Variants in C1orf21 observed in about 807,000 individuals in gnomAD.
The protein encoded by C1orf21 is chromosome 1 open reading frame 21.
A neutral mutation model predicts 18.7 loss-of-function variants in C1orf21; 3 were observed. That is an observed-to-expected ratio of 0.16 (90% CI 0.07 to 0.42). The LOEUF (loss-of-function observed/expected upper bound fraction) is 0.42. Ranked by LOEUF, C1orf21 falls within the 10% of genes least tolerant of loss-of-function variation. C1orf21 has a pLI of 0.99. For synonymous variants in C1orf21, 41 were observed against 46.4 expected, an observed-to-expected ratio of 0.88 and a Z score of 0.47; for missense variants, 104 against 143.6, an observed-to-expected ratio of 0.72 and a Z score of 1.41.
rs1656466382 is a variant in C1orf21 at position 184,417,177 on chromosome 1, C to T, written c.-125+29809C>T. 2.0e-5 allele frequency among the ~76,000 whole-genome samples: 3 copies of T among 152,116 alleles called. No homozygotes were observed. In the South Asian group the frequency reaches 6.2e-4, roughly 32 times the overall value. ...ACTAAGAGGGAAGGGTGACTGTAGG[C>T]AAGGCAGGACATGCTGCAGACTCAG... is the stretch of plus-strand genomic sequence containing the variant. On this transcript the variant is annotated intron_variant, in intron 1 of 5. Transcript: ENST00000235307.
At chr1:184,541,806 C>T (rs1658655892) in intron 3 of C1orf21, among the ~76,000 whole-genome samples, 1 of 152,152 alleles carries the variant, frequency 6.6e-6, no homozygotes, top group African/African-American at 2.4e-5. Flanking sequence ...ATTTAATAAT[C>T]TGGAAACCAG....
chr1:184,507,617 G>T lies in C1orf21; in HGVS notation c.124G>T (p.Val42Phe). The change falls in exon 3 of 6, where the codon GTC becomes TTC. Residue 42 changes from valine (V) to phenylalanine (F), a missense_variant. Physicochemically the swap from Val to Phe is conservative, Grantham distance 50. Transcript: ENST00000235307. Reference sequence around the variant, plus strand: ...GTATAGGATCAAACCAGTGGAAGAGGTCAAATACATGAAAAATGGGGCAGA... The same window carrying T: ...GTATAGGATCAAACCAGTGGAAGAGTTCAAATACATGAAAAATGGGGCAGA... The part of the protein sequence containing the change: ...DEYRIKPVEE[V>F]KYMKNGAEEE... 1 of 1,607,146 alleles carries T rather than the reference G, an allele frequency of 6.2e-7. No individual in the cohort carries two copies. The highest frequency in any genetic ancestry group is 1.7e-5 in the Admixed American group (1 of 58,002).
intron 1 of C1orf21, among the ~76,000 whole-genome samples, chr1:184,430,599 T>C (rs1370070135): frequency 2.0e-5 from 3 of 152,234 alleles, no homozygotes; most frequent in African/African-American, 7.2e-5. Context: ...ATTTTTCTTA[T>C]CTGATAAGTT....
Position 184,620,558 on chromosome 1 carries a change from T to G in C1orf21, c.*1002T>G, listed in dbSNP as rs1235830357. 1.3e-5 allele frequency: 2 copies of G among 152,622 alleles called. No individual in the cohort carries two copies. The highest frequency in any genetic ancestry group is 2.9e-5 in the Non-Finnish European group (2 of 68,022). 9.5% of individuals were successfully genotyped at this position (152,622 alleles called of 1,614,324 possible). ...TGTTACCTTTCATTTTGTTAGCAAATAAACCATCCTATTTTGTAACTCTCC... is the reference window on the plus strand; with the variant it reads ...TGTTACCTTTCATTTTGTTAGCAAAGAAACCATCCTATTTTGTAACTCTCC... On this transcript the variant is annotated 3_prime_UTR_variant, in exon 6 of 6. Coordinates refer to ENST00000235307, the MANE Select transcript of C1orf21 (RefSeq NM_030806.4).
At chr1:184,504,911 T>G (rs1486632760) in intron 2 of C1orf21, among the ~76,000 whole-genome samples, 2 of 152,162 alleles carry the variant, frequency 1.3e-5, no homozygotes, top group Non-Finnish European at 2.9e-5. Context: ...TGGTGGGGAT[T>G]CTGTCTTGAT....
intron 1 of C1orf21, among the ~76,000 whole-genome samples, chr1:184,468,973 G>A (rs1657450339): frequency 6.6e-6 from 1 of 152,046 alleles, no homozygotes; most frequent in African/African-American, 2.4e-5. Flanking sequence ...GGTGGCTCAT[G>A]CCTGTAGTCC....
At chr1:184,441,103 C>T (rs1656936860) in intron 1 of C1orf21, among the ~76,000 whole-genome samples, 1 of 152,194 alleles carries the variant, frequency 6.6e-6, no homozygotes, top group African/African-American at 2.4e-5. Context: ...TAGCAGAAAA[C>T]ATCATCTTTT....
intron 1 of C1orf21, among the ~76,000 whole-genome samples, chr1:184,434,714 T>G (rs182706259): frequency 6.6e-6 from 1 of 151,570 alleles, no homozygotes; most frequent in African/African-American, 2.4e-5. Context: ...CAAAGAAGAG[T>G]TGAGATGAGC....
intron 1 of C1orf21, among the ~76,000 whole-genome samples, chr1:184,453,792 A>T (rs1280765706): frequency 2.0e-5 from 3 of 152,176 alleles, no homozygotes; most frequent in Non-Finnish European, 4.4e-5. Context: ...GCCTTTGTCT[A>T]CTTGAGTTAG....
chr1:184,430,431 A>G (rs1656722589), intron 1 of C1orf21, among the ~76,000 whole-genome samples: 1 of 152,248 alleles, frequency 6.6e-6, no homozygotes, highest in Non-Finnish European at 1.5e-5. Flanking sequence ...TCTGCCAACT[A>G]TTAATAAAAT....
At chr1:184,595,108 T>C (rs148901448) in intron 4 of C1orf21, among the ~76,000 whole-genome samples, 1 of 152,312 alleles carries the variant, frequency 6.6e-6, no homozygotes, top group African/African-American at 2.4e-5. Context: ...CAGTGCTGCA[T>C]TGAGTTTTCC....
At chr1:184,517,912 A>G (rs140901939) in intron 3 of C1orf21, among the ~76,000 whole-genome samples, 1 of 152,178 alleles carries the variant, frequency 6.6e-6, no homozygotes, top group Non-Finnish European at 1.5e-5. Context: ...ATCAGCCTGA[A>G]CTTCTTCCAG....
intron 1 of C1orf21, among the ~76,000 whole-genome samples, chr1:184,471,288 G>A (rs567644584): frequency 1.8e-4 from 28 of 152,282 alleles, no homozygotes; most frequent in African/African-American, 6.0e-4. Flanking sequence ...CAGCAAATAC[G>A]CAATTGAAAT....
At chr1:184,495,878 A>G (rs1040233980) in intron 2 of C1orf21, among the ~76,000 whole-genome samples, 1 of 147,112 alleles carries the variant, frequency 6.8e-6, no homozygotes, top group Non-Finnish European at 1.5e-5. Flanking sequence ...AGATCGTGCC[A>G]CTGCACTCCA....
At chr1:184,590,329 A>G (rs1264596011) in intron 3 of C1orf21, among the ~76,000 whole-genome samples, 2 of 152,206 alleles carry the variant, frequency 1.3e-5, no homozygotes, top group Non-Finnish European at 2.9e-5. Flanking sequence ...CAAACTTTAC[A>G]TCTCAGTAAG....
intron 1 of C1orf21, among the ~76,000 whole-genome samples, chr1:184,410,085 G>T (rs1171060424): frequency 6.6e-6 from 1 of 152,124 alleles, no homozygotes; most frequent in Non-Finnish European, 1.5e-5. Context: ...TAAATATACT[G>T]TAAGGTTCTT....
chr1:184,479,253 A>T (rs1367367998), intron 2 of C1orf21, among the ~76,000 whole-genome samples: 1 of 152,070 alleles, frequency 6.6e-6, no homozygotes, highest in African/African-American at 2.4e-5. Flanking sequence ...AACTAGAGTC[A>T]TTACTGTCAT....
At chr1:184,586,253 T>G (rs1034248652) in intron 3 of C1orf21, among the ~76,000 whole-genome samples, 15 of 152,016 alleles carry the variant, frequency 9.9e-5, no homozygotes, top group African/African-American at 3.6e-4. Context: ...TCTGTCTTCT[T>G]TTGAGAAGTG....
chr1:184,618,102 G>A (rs1174053420), intron 5 of C1orf21, among the ~76,000 whole-genome samples: 1 of 151,886 alleles, frequency 6.6e-6, no homozygotes, highest in Non-Finnish European at 1.5e-5. Flanking sequence ...TAGAGATGGG[G>A]TTTCACCATG....
Sources: gnomAD v4.1 joint callset for allele counts (sites outside exome capture counted in the v4.1 genomes callset) on GRCh38, gnomAD v4.1.1 for gene constraint, MANE v1.5 for transcripts, NCBI Gene and HGNC (gene_info 2026-07-23, HGNC 2026-07-21) for gene names.